Variants in PDE4D observed in about 807,000 individuals in gnomAD.
The protein encoded by PDE4D is 3',5'-cyclic-AMP phosphodiesterase 4D.
A neutral mutation model predicts 87.4 loss-of-function variants in PDE4D; 24 were observed. That is an observed-to-expected ratio of 0.27 (90% confidence interval 0.20 to 0.39). The LOEUF (loss-of-function observed/expected upper bound fraction) is 0.39, where lower values mean the gene tolerates loss of function less well. Among genes scored for constraint, PDE4D ranks in the 10% least tolerant of loss-of-function variants. PDE4D has a pLI of 1.00. For synonymous variants in PDE4D, 384 were observed against 383.2 expected (o/e 1.00, Z -0.02); for missense variants, 714 against 1,041.0 (o/e 0.69, Z 4.32).
chr5:59,451,257 C>T (rs1380063420), intron 1 of PDE4D, among the ~76,000 whole-genome samples: 1 of 152,186 alleles, frequency 6.6e-6, no homozygotes, highest in African/African-American at 2.4e-5. Flanking sequence ...CTGTTCATGT[C>T]TTTCATTTCA....
intron 2 of PDE4D, among the ~76,000 whole-genome samples, chr5:60,082,201 G>A (rs1379947498): frequency 6.6e-6 from 1 of 152,192 alleles, no homozygotes; most frequent in African/African-American, 2.4e-5. Flanking sequence ...TTAGGAGGTA[G>A]GGCCTTTGGG....
At chr5:59,969,938 GTACTTCACACATGTA>G (rs1760515795) in intron 3 of PDE4D, among the ~76,000 whole-genome samples, 1 of 152,124 alleles carries the variant, frequency 6.6e-6, no homozygotes. Flanking sequence ...CACTTCTCAA[GTACTTCACACATGTA>G]TGCACACTCC....
chr5:60,374,467 G>T (rs370742609), intron 1 of PDE4D, among the ~76,000 whole-genome samples: 1 of 152,178 alleles, frequency 6.6e-6, no homozygotes, highest in East Asian at 1.9e-4. Context: ...GGTACTCTAA[G>T]CCCTCAGCAA....
chr5:59,593,850 G>GTAAACACAC (rs1561285004), intron 1 of PDE4D, among the ~76,000 whole-genome samples: 1 of 152,154 alleles, frequency 6.6e-6, no homozygotes, highest in Non-Finnish European at 1.5e-5. Flanking sequence ...TTACCTCCAG[G>GTAAACACAC]AGTGCTACCA....
At chr5:59,706,275 G>A (rs1753393694) in intron 1 of PDE4D, among the ~76,000 whole-genome samples, 1 of 152,026 alleles carries the variant, frequency 6.6e-6, no homozygotes, top group Non-Finnish European at 1.5e-5. Flanking sequence ...AGAAGAAGCT[G>A]TGGCCAGTGA....
chr5:60,107,354 T>A (rs975017059), intron 2 of PDE4D, among the ~76,000 whole-genome samples: 3 of 152,002 alleles, frequency 2.0e-5, no homozygotes, highest in African/African-American at 4.8e-5. Flanking sequence ...TCTGAAATTG[T>A]GGCAATAATC....
intron 1 of PDE4D, among the ~76,000 whole-genome samples, chr5:59,748,113 C>T (rs1296193156): frequency 2.0e-5 from 3 of 152,198 alleles, no homozygotes; most frequent in Non-Finnish European, 4.4e-5. Flanking sequence ...TCCAGATACT[C>T]ACAACTTTGA....
chr5:60,065,741 A>G (rs1771990394), intron 2 of PDE4D, among the ~76,000 whole-genome samples: 1 of 152,096 alleles, frequency 6.6e-6, no homozygotes, highest in Non-Finnish European at 1.5e-5. Context: ...CGTTTCATCC[A>G]TGTCCCTACA....
intron 6 of PDE4D, among the ~76,000 whole-genome samples, chr5:59,010,120 G>A (rs1752469452): frequency 6.6e-6 from 1 of 152,166 alleles, no homozygotes; most frequent in South Asian, 2.1e-4. Context: ...GAGCTCAGGA[G>A]TTTGAGATCA....
At chr5:60,290,530 G>C (rs1752801792) in intron 1 of PDE4D, among the ~76,000 whole-genome samples, 1 of 152,160 alleles carries the variant, frequency 6.6e-6, no homozygotes, top group Admixed American at 6.5e-5. Context: ...GAGGCAGGGA[G>C]TGGTGGCTCA....
chr5:59,799,078 C>T (rs1232028911), intron 1 of PDE4D, among the ~76,000 whole-genome samples: 1 of 152,130 alleles, frequency 6.6e-6, no homozygotes, highest in Non-Finnish European at 1.5e-5. Context: ...TTCCCTATCT[C>T]ATAAACAATA....
chr5:59,600,211 TGTGA>T (rs1272134305), intron 1 of PDE4D, among the ~76,000 whole-genome samples: 1 of 152,244 alleles, frequency 6.6e-6, no homozygotes, highest in Non-Finnish European at 1.5e-5. Context: ...TTGAGCTTAA[TGTGA>T]GTTAGATAAC....
At chr5:60,379,148 GA>G (rs199581209) in intron 1 of PDE4D, among the ~76,000 whole-genome samples, 2,375 of 148,404 alleles carry the variant, frequency 0.016, 61 homozygotes, top group African/African-American at 0.055. Flanking sequence ...GAATTTGGAA[GA>G]AATTTCTTGT....
At chr5:59,020,766 G>A (rs1442253183) in intron 6 of PDE4D, among the ~76,000 whole-genome samples, 1 of 151,346 alleles carries the variant, frequency 6.6e-6, no homozygotes, top group African/African-American at 2.5e-5. Flanking sequence ...GAAAATGGAA[G>A]AAGAACAATT....
intron 2 of PDE4D, among the ~76,000 whole-genome samples, chr5:60,071,987 G>C (rs892712360): frequency 6.6e-6 from 1 of 152,096 alleles, no homozygotes; most frequent in African/African-American, 2.4e-5. Flanking sequence ...ACATATGTGA[G>C]CATGTGTCTT....
intron 5 of PDE4D, among the ~76,000 whole-genome samples, chr5:59,104,467 G>A (rs1223095603): frequency 6.6e-6 from 1 of 152,196 alleles, no homozygotes; most frequent in African/African-American, 2.4e-5. Context: ...GTAGTTAAAA[G>A]CGTAAGCTCT....
chr5:59,523,283 G>A (rs1398290164), intron 1 of PDE4D, among the ~76,000 whole-genome samples: 1 of 152,078 alleles, frequency 6.6e-6, no homozygotes, highest in East Asian at 1.9e-4. Flanking sequence ...AAAATTATAG[G>A]GATGTTTTGT....
intron 1 of PDE4D, among the ~76,000 whole-genome samples, chr5:59,470,331 T>A (rs1373805943): frequency 6.6e-6 from 1 of 152,190 alleles, no homozygotes; most frequent in Non-Finnish European, 1.5e-5. Flanking sequence ...ATTATTTGAA[T>A]TGGTCTGTGC....
intron 1 of PDE4D, among the ~76,000 whole-genome samples, chr5:59,658,603 G>A (rs1479489864): frequency 6.6e-6 from 1 of 152,070 alleles, no homozygotes; most frequent in African/African-American, 2.4e-5. Flanking sequence ...GGATGGTCTC[G>A]ATCTCCTGAC....
Sources: gnomAD v4.1 joint callset for allele counts (sites outside exome capture counted in the v4.1 genomes callset) on GRCh38, gnomAD v4.1.1 for gene constraint, MANE v1.5 for transcripts, NCBI Gene and HGNC (gene_info 2026-07-23, HGNC 2026-07-21) for gene names.